ENTPD1: variants seen among roughly 807,000 people sequenced by gnomAD.
ENTPD1 encodes the protein ATP diphosphohydrolase.
A neutral mutation model predicts 57.0 loss-of-function variants in ENTPD1; 33 were observed. The observed-to-expected ratio is 0.58, with a 90% CI of 0.44 to 0.77. The LOEUF is 0.77. Ranked by LOEUF, ENTPD1 falls within the 30% of genes least tolerant of loss-of-function variation. The probability of loss-of-function intolerance (pLI) is 0.00; values close to 1 mark genes in which losing one functional copy is unlikely to be tolerated. For synonymous variants in ENTPD1, 202 were observed against 218.8 expected (o/e 0.92, Z 0.68); for missense variants, 501 against 603.4 (o/e 0.83, Z 1.78).
intron 1 of ENTPD1, among the ~76,000 whole-genome samples, chr10:95,722,235 G>GT (rs71034349): frequency 0.47 from 68,467 of 146,482 alleles, 15,980 homozygotes; most frequent in East Asian, 0.74. Context: ...ACCCATTGTG[G>GT]TTTTTTTTTT....
At chr10:95,701,346 T>C in the ENTPD1 span, among the ~76,000 whole-genome samples, 1 of 152,190 alleles carries the variant, frequency 6.6e-6, no homozygotes, top group Non-Finnish European at 1.5e-5. Flanking sequence ...TTGAGGGCAA[T>C]ATATATTTCA....
At chr10:95,859,946 T>C (rs2098462463) in intron 7 of ENTPD1, among the ~76,000 whole-genome samples, 1 of 152,168 alleles carries the variant, frequency 6.6e-6, no homozygotes. Flanking sequence ...GTGTCTAAAA[T>C]AGTACCTAGC....
chr10:95,870,518 ATCCTC>A lies in ENTPD1; in HGVS notation c.*4136_*4140del. On this transcript the variant is annotated 3_prime_UTR_variant, in exon 10 of 10. Coordinates refer to ENST00000371205, the MANE Select transcript of ENTPD1 (RefSeq NM_001776.6). ...GGTCTCGAACTCCTGCCCTCAAGCA[ATCCTC>A]CTGCCTTGGCCTCCCAAAGTGTTGA... The A allele has an allele frequency of 3.1e-6, 3 of 968,256 alleles. No individual in the cohort carries two copies. In the South Asian group the frequency reaches 1.4e-4, roughly 46 times the overall value. 60.0% of individuals were successfully genotyped at this position (968,256 alleles called of 1,614,324 possible). A position where few individuals can be genotyped will look rare whatever the true frequency, so the allele number is the denominator to read the frequency against.
At chr10:95,866,097 A>G (rs780386609) in intron 9 of ENTPD1, 80 bp from the exon 10 acceptor site, 1 of 1,530,000 alleles carries the variant, frequency 6.5e-7, no homozygotes, top group Non-Finnish European at 8.9e-7. Context: ...CTTCCAATGC[A>G]TGATCCAATA....
At chr10:95,767,314 C>CAAAAAAAAAAAA (rs1160221654) in intron 1 of ENTPD1, among the ~76,000 whole-genome samples, 14 of 68,040 alleles carry the variant, frequency 2.1e-4, no homozygotes, top group East Asian at 5.5e-4. Flanking sequence ...GACTCCATCT[C>CAAAAAAAAAAAA]AAAAAAAAAA....
chr10:95,699,466 G>C, the ENTPD1 span, among the ~76,000 whole-genome samples: 4 of 151,978 alleles, frequency 2.6e-5, no homozygotes, highest in African/African-American at 9.7e-5. Flanking sequence ...AAATTAGCCA[G>C]GTGTGGTAGT....
At chr10:95,832,495 A>T (rs2098399468) in intron 2 of ENTPD1, among the ~76,000 whole-genome samples, 1 of 152,142 alleles carries the variant, frequency 6.6e-6, no homozygotes, top group East Asian at 1.9e-4. Context: ...GGTAGCTTTG[A>T]CGTCTGCTTG....
At chr10:95,809,800 G>GCCA in intron 1 of ENTPD1, among the ~76,000 whole-genome samples, 1 of 151,322 alleles carries the variant, frequency 6.6e-6, no homozygotes, top group Admixed American at 6.6e-5. Flanking sequence ...CGGGGCGGCG[G>GCCA]GGCAGAAGTG....
At chr10:95,720,780 T>C (rs546140453) in intron 1 of ENTPD1, among the ~76,000 whole-genome samples, 61 of 152,320 alleles carry the variant, frequency 4.0e-4, no homozygotes, top group African/African-American at 1.5e-3. Flanking sequence ...TTATTTCTAT[T>C]TGGACAATCT....
At chr10:95,792,263 G>A (rs1048855065) in intron 1 of ENTPD1, among the ~76,000 whole-genome samples, 1 of 152,112 alleles carries the variant, frequency 6.6e-6, no homozygotes, top group Non-Finnish European at 1.5e-5. Flanking sequence ...TCACCCGAGT[G>A]CCCCATAAGA....
chr10:95,875,918 G>A lies in ENTPD1; in HGVS notation c.*9535G>A. ...CCTGGGTCCTGTGGGAATTCTGGAA[G>A]GTACAATTCAAGTTGAGATTTGGGT... On this transcript the variant is annotated 3_prime_UTR_variant, in exon 10 of 10. Transcript: ENST00000371205. The A allele has an allele frequency of 6.2e-6, 6 of 961,510 alleles. No homozygotes were observed. Among genetic ancestry groups the A allele is most frequent in the Non-Finnish European group, 7.4e-6 (6 of 808,280 alleles). The allele number at this position is 961,510 out of a possible 1,614,324, so 59.6% of individuals were successfully genotyped here. A position where few individuals can be genotyped will look rare whatever the true frequency, so the allele number is the denominator to read the frequency against.
At chr10:95,717,701 C>T (rs1032083294) in intron 1 of ENTPD1, among the ~76,000 whole-genome samples, 5 of 152,150 alleles carry the variant, frequency 3.3e-5, no homozygotes, top group Non-Finnish European at 5.9e-5. Flanking sequence ...CCCCTCTCAA[C>T]GGGAAAACCC....
At chr10:95,797,174 T>C (rs999855805) in intron 1 of ENTPD1, among the ~76,000 whole-genome samples, 4 of 151,972 alleles carry the variant, frequency 2.6e-5, no homozygotes, top group African/African-American at 9.7e-5. Context: ...GAAGTGGGAA[T>C]ATAGGGGGAC....
chr10:95,819,061 T>C (rs1210023137), intron 1 of ENTPD1, among the ~76,000 whole-genome samples: 1 of 152,210 alleles, frequency 6.6e-6, no homozygotes, highest in Non-Finnish European at 1.5e-5. Context: ...AATCTGTTTA[T>C]TAATGGAGTA....
intron 1 of ENTPD1, among the ~76,000 whole-genome samples, chr10:95,768,758 G>A (rs1304644005): frequency 6.6e-6 from 1 of 151,956 alleles, no homozygotes. Context: ...ATCTATTCCT[G>A]CTTCATATCT....
intron 9 of ENTPD1, among the ~76,000 whole-genome samples, chr10:95,865,676 T>C (rs1038124678): frequency 2.0e-5 from 3 of 152,216 alleles, no homozygotes; most frequent in African/African-American, 7.2e-5. Context: ...ATTCCAGACT[T>C]CCTTTAATTC....
intron 1 of ENTPD1, among the ~76,000 whole-genome samples, chr10:95,809,265 G>C (rs1037340930): frequency 6.6e-6 from 1 of 152,166 alleles, no homozygotes; most frequent in African/African-American, 2.4e-5. Flanking sequence ...TGGCAGCCGG[G>C]CAGAGGCACC....
the ENTPD1 span, among the ~76,000 whole-genome samples, chr10:95,699,145 G>A: frequency 6.6e-6 from 1 of 150,890 alleles, no homozygotes; most frequent in Non-Finnish European, 1.5e-5. Context: ...AGTGCACTCT[G>A]CCCTGGGTGA....
intron 1 of ENTPD1, among the ~76,000 whole-genome samples, chr10:95,768,436 T>G (rs143665503): frequency 6.6e-6 from 1 of 152,264 alleles, no homozygotes; most frequent in African/African-American, 2.4e-5. Flanking sequence ...GTGGCCTGCC[T>G]GCCTGCCTCC....
Sources: allele counts gnomAD v4.1 joint callset (sites outside exome capture counted in the v4.1 genomes callset), GRCh38; gene constraint gnomAD v4.1.1; transcripts MANE v1.5; gene names NCBI Gene and HGNC (gene_info 2026-07-23, HGNC 2026-07-21).